Variants in ACAN observed in about 807,000 individuals in gnomAD.
The protein encoded by ACAN is aggrecan, also known as aggrecan core protein.
In ACAN, 47 loss-of-function variants were observed where a neutral mutation model predicts 169.1. That is an observed-to-expected ratio of 0.28 (90% CI 0.22 to 0.35). The LOEUF is 0.35. Among genes scored for constraint, ACAN ranks in the 10% least tolerant of loss-of-function variants. The pLI is 1.00. For missense variants in ACAN, 2,716 were observed against 2,759.9 expected (o/e 0.98, Z 0.36); for synonymous variants, 1,115 against 1,112.2 (o/e 1.00, Z -0.05).
chr15:88,867,437 G>T (rs1897297692), intron 13 of ACAN, among the ~76,000 whole-genome samples: 1 of 152,188 alleles, frequency 6.6e-6, no homozygotes, highest in South Asian at 2.1e-4. Flanking sequence ...CACTGGCCAG[G>T]ATGGAGTCCC....
At chr15:88,821,853 A>G (rs551253308) in intron 1 of ACAN, among the ~76,000 whole-genome samples, 1 of 152,200 alleles carries the variant, frequency 6.6e-6, no homozygotes, top group African/African-American at 2.4e-5. Context: ...GAACTCAGCA[A>G]AACTGTTACA....
At chr15:88,825,847 G>A (rs1349065616) in intron 1 of ACAN, among the ~76,000 whole-genome samples, 1 of 152,118 alleles carries the variant, frequency 6.6e-6, no homozygotes, top group Non-Finnish European at 1.5e-5. Context: ...TCACCTAAAA[G>A]CTCACACAGG....
chr15:88,845,702 C>G lies in ACAN; in HGVS notation c.1249C>G (p.Pro417Ala), dbSNP rs1168550629. 1 of 1,613,914 alleles carries G rather than the reference C, an allele frequency of 6.2e-7. No individual in the cohort carries two copies. The highest frequency in any genetic ancestry group is 2.2e-5 in the East Asian group (1 of 44,894). Reference sequence around the variant, plus strand: ...CCCCAGTCCCCTGGAACCCGAGGAGCCCTTCACGTTTGCCCCTGAAATAGG... The same window carrying G: ...CCCCAGTCCCCTGGAACCCGAGGAGGCCTTCACGTTTGCCCCTGAAATAGG... ...VSPSPLEPEE[P>A]FTFAPEIGAT... The change falls in exon 7 of 19, where the codon CCC becomes GCC. Residue 417 changes from proline (P) to alanine (A), a missense_variant. By Grantham distance (27) the Pro-to-Ala change is conservative (BLOSUM62 -1). Coordinates refer to ENST00000560601, the MANE Select transcript of ACAN (RefSeq NM_001369268.1).
intron 1 of ACAN, among the ~76,000 whole-genome samples, chr15:88,819,132 G>A (rs540650444): frequency 6.6e-6 from 1 of 152,290 alleles, no homozygotes; most frequent in African/African-American, 2.4e-5. Context: ...GGACAGCCTT[G>A]CAGGGGACAG....
At chr15:88,836,131 T>A (rs997618543) in intron 1 of ACAN, 69 bp from the exon 2 acceptor site, 61 of 1,112,382 alleles carry the variant, frequency 5.5e-5, no homozygotes, top group Non-Finnish European at 8.0e-5. Flanking sequence ...GCATCATATG[T>A]CACATGACTC....
In ACAN at chr15:88,873,775, T is replaced by G; in HGVS notation, c.7448-67T>G. The G allele has an allele frequency of 6.5e-7, 1 of 1,540,828 alleles. No homozygotes were observed. The highest frequency in any genetic ancestry group is 8.8e-7 in the Non-Finnish European group (1 of 1,130,060). On this transcript the variant is annotated intron_variant, in intron 17 of 18. Transcript: ENST00000560601. The surrounding 1 kb of genome is among the most constrained non-coding windows in gnomAD (Gnocchi z 7.5). ...GCTGTGTCCCCCACAGTGCCTCGGG[T>G]CACAACCAGCATAGGTCATCCCAGG...
chr15:88,831,725 T>G (rs1489552589), intron 1 of ACAN, among the ~76,000 whole-genome samples: 1 of 152,212 alleles, frequency 6.6e-6, no homozygotes, highest in East Asian at 1.9e-4. Context: ...AGCCTCCTCC[T>G]TGGGCCTCAG....
chr15:88,812,751 T>G (rs935969002), intron 1 of ACAN, among the ~76,000 whole-genome samples: 14 of 152,170 alleles, frequency 9.2e-5, no homozygotes, highest in African/African-American at 3.4e-4. Flanking sequence ...CTTTAACTTA[T>G]CATTATCTAG....
chr15:88,828,865 C>T (rs1896291438), intron 1 of ACAN, among the ~76,000 whole-genome samples: 1 of 152,186 alleles, frequency 6.6e-6, no homozygotes, highest in Admixed American at 6.5e-5. Context: ...GGACCCAGAG[C>T]CGACTCACTC....
In ACAN at chr15:88,838,606, G is replaced by A. The variant is rs561043355; in HGVS notation, c.71-57G>A. ...TGCTGGAAGGATGGATGGGGAGGCG[G>A]GGTGGTCCTCTCTAGGCACTAACAG... On this transcript the variant is annotated intron_variant, in intron 2 of 18. Transcript: ENST00000560601. This position sits in a 1 kb window ranked among gnomAD's most constrained non-coding sequence, Gnocchi z 5.1. 2 of 1,524,000 alleles carry A rather than the reference G, an allele frequency of 1.3e-6. No homozygotes were observed. The highest frequency in any genetic ancestry group is 1.8e-6 in the Non-Finnish European group (2 of 1,132,922). The allele number at this position is 1,524,000 out of a possible 1,614,324, so 94.4% of individuals were successfully genotyped here.
intron 1 of ACAN, among the ~76,000 whole-genome samples, chr15:88,822,137 C>T (rs1896092477): frequency 1.3e-5 from 2 of 152,336 alleles, no homozygotes; most frequent in South Asian, 4.1e-4. Context: ...CCAGTCCCTC[C>T]AGAGGTCAGG....
chr15:88,841,908 C>T, intron 5 of ACAN, 41 bp downstream of exon 5: 2 of 1,611,020 alleles, frequency 1.2e-6, no homozygotes, highest in Non-Finnish European at 8.5e-7. Flanking sequence ...AGCTCCCTTC[C>T]CAAGGCCACC....
chr15:88,806,095 G>A (rs4932425), intron 1 of ACAN, among the ~76,000 whole-genome samples: 18,867 of 152,244 alleles, frequency 0.12, 1,348 homozygotes, highest in East Asian at 0.32. Context: ...GCTTTGATAA[G>A]GGTACTGAGC....
intron 9 of ACAN, 52 bp downstream of exon 9, chr15:88,848,090 G>A: frequency 6.3e-7 from 1 of 1,599,662 alleles, no homozygotes; most frequent in Non-Finnish European, 8.5e-7. Context: ...GGGGTGGGCA[G>A]GGAGCTGACA....
chr15:88,841,774 G>A lies in ACAN; in HGVS notation c.664G>A (p.Gly222Arg). The A allele has an allele frequency of 1.9e-6, 3 of 1,613,664 alleles. No individual in the cohort carries two copies. Among genetic ancestry groups the A allele is most frequent in the Non-Finnish European group, 2.5e-6 (3 of 1,179,824 alleles). ...CCACACTCCCCGGGAAGGCTGCTAT[G>A]GAGACAAGGATGAGTTTCCTGGTGT... ...PIHTPREGCY[G>R]DKDEFPGVRT... The change falls in exon 5 of 19, where the codon GGA becomes AGA. Residue 222 changes from glycine to arginine, a missense_variant. This residue lies in a region of ACAN where 1,283 missense variants were observed against 1,281.5 expected (regional missense o/e 1.00). Coordinates refer to ENST00000560601, the MANE Select transcript of ACAN (RefSeq NM_001369268.1).
intron 1 of ACAN, among the ~76,000 whole-genome samples, chr15:88,824,549 G>A (rs1195043032): frequency 6.6e-6 from 1 of 152,128 alleles, no homozygotes; most frequent in Non-Finnish European, 1.5e-5. Context: ...GAAACAGACA[G>A]TGAACAAACA....
chr15:88,858,330 C>A lies in ACAN; in HGVS notation c.5745C>A (p.Ser1915Arg), dbSNP rs755969485. The A allele has an allele frequency of 1.3e-5, 21 of 1,613,960 alleles. No individual in the cohort carries two copies. Among genetic ancestry groups the A allele is most frequent in the Non-Finnish European group, 1.8e-5 (21 of 1,179,898 alleles). Reference sequence around the variant, plus strand: ...AATCCTCCAGAGCTGAGATTGGGAGCAGCCTGCCCTCGGGAGCATATTATG... The same window carrying A: ...AATCCTCCAGAGCTGAGATTGGGAGAAGCCTGCCCTCGGGAGCATATTATG... ...SGESSRAEIGSSLPSGAYYGS... is the reference protein window; with the variant it reads ...SGESSRAEIGRSLPSGAYYGS... Residue 1915 changes from serine (S) to arginine (R), a missense_variant, in exon 12 of 19, where the codon AGC (serine) becomes AGA (arginine). Around this residue, in one of 3 missense-constraint regions of ACAN, gnomAD observed 1,389 missense variants for 1,363.7 expected, o/e 1.02. Transcript: ENST00000560601. The surrounding 1 kb of genome is among the most constrained non-coding windows in gnomAD (Gnocchi z 4.0).
In ACAN at chr15:88,861,021, C is replaced by T. The variant is rs1897183517; in HGVS notation, c.6946+582C>T. Among the ~76,000 whole-genome samples, 1 of 152,176 alleles carries T rather than the reference C, an allele frequency of 6.6e-6. No individual in the cohort carries two copies. Among genetic ancestry groups the T allele is most frequent in the Non-Finnish European group, 1.5e-5 (1 of 68,034 alleles). ...CCACCATGAGCCTGTTTGTCCTTAGCTATGGGTGAAGCAGCCTGTGGGATG... is the reference window on the plus strand; with the variant it reads ...CCACCATGAGCCTGTTTGTCCTTAGTTATGGGTGAAGCAGCCTGTGGGATG... On this transcript the variant is annotated intron_variant, in intron 13 of 18. Transcript: ENST00000560601. The surrounding 1 kb of genome is among the most constrained non-coding windows in gnomAD (Gnocchi z 6.3).
At chr15:88,850,091 G>A (rs1055081646) in intron 10 of ACAN, 6 of 580,294 alleles carry the variant, frequency 1.0e-5, no homozygotes, top group African/African-American at 3.7e-5. Context: ...TTAAGTGCAC[G>A]TGGTGCCCTT....
Sources: allele counts gnomAD v4.1 joint callset (sites outside exome capture counted in the v4.1 genomes callset), GRCh38; gene constraint gnomAD v4.1.1; regional missense constraint gnomAD v4.1.1; non-coding constraint Gnocchi (gnomAD v3.1); transcripts MANE v1.5; gene names NCBI Gene and HGNC (gene_info 2026-07-23, HGNC 2026-07-21).